Variants in PDE10A observed in about 807,000 individuals in gnomAD.
PDE10A encodes cAMP and cAMP-inhibited cGMP 3',5'-cyclic phosphodiesterase 10A.
PDE10A carries 39 observed loss-of-function variants against 97.7 expected under a neutral mutation model. The observed-to-expected ratio is 0.40, with a 90% confidence interval of 0.31 to 0.52. PDE10A has a LOEUF of 0.52. PDE10A is among the 20% of genes least tolerant of loss of function. The pLI is 0.56. For synonymous variants in PDE10A, 371 were observed against 376.8 expected (o/e 0.98, Z 0.18); for missense variants, 731 against 1,047.8 (o/e 0.70, Z 4.17).
chr6:165,511,502 T>A (rs2128301839), intron 2 of PDE10A, among the ~76,000 whole-genome samples: 1 of 152,124 alleles, frequency 6.6e-6, no homozygotes, highest in South Asian at 2.1e-4. Flanking sequence ...AATTATCAGA[T>A]AAAATGCTCT....
chr6:165,844,327 G>A (rs572856540), intron 1 of PDE10A, among the ~76,000 whole-genome samples: 8 of 152,192 alleles, frequency 5.3e-5, no homozygotes, highest in South Asian at 2.1e-4. Flanking sequence ...GACCTGTTCC[G>A]TGTCCAGATT....
At chr6:165,601,192 C>T (rs1278800577) in intron 1 of PDE10A, among the ~76,000 whole-genome samples, 1 of 152,172 alleles carries the variant, frequency 6.6e-6, no homozygotes, top group Non-Finnish European at 1.5e-5. Flanking sequence ...TTTGCTGCCA[C>T]CATGTAAGAA....
intron 1 of PDE10A, among the ~76,000 whole-genome samples, chr6:165,916,074 C>T (rs567457724): frequency 6.6e-6 from 1 of 152,342 alleles, no homozygotes; most frequent in African/African-American, 2.4e-5. Flanking sequence ...AGTAATTGCA[C>T]TGGCACAAAG....
At chr6:165,892,062 T>C (rs1781817514) in intron 1 of PDE10A, among the ~76,000 whole-genome samples, 1 of 151,970 alleles carries the variant, frequency 6.6e-6, no homozygotes, top group Non-Finnish European at 1.5e-5. Flanking sequence ...AAGCATAAAA[T>C]ATCCATGAGG....
chr6:165,533,845 CTAT>C (rs67323164), intron 2 of PDE10A, among the ~76,000 whole-genome samples: 86,548 of 151,670 alleles, frequency 0.57, 29,339 homozygotes, highest in Non-Finnish European at 0.73. Flanking sequence ...TGCAACAAAG[CTAT>C]TATATTTATT....
At chr6:165,380,326 T>C (rs1379882859) in intron 17 of PDE10A, among the ~76,000 whole-genome samples, 1 of 152,174 alleles carries the variant, frequency 6.6e-6, no homozygotes, top group Non-Finnish European at 1.5e-5. Context: ...TAAAATACAG[T>C]AAAAACACAA....
chr6:165,816,455 G>T (rs990425395), intron 1 of PDE10A, among the ~76,000 whole-genome samples: 1 of 152,224 alleles, frequency 6.6e-6, no homozygotes, highest in African/African-American at 2.4e-5. Context: ...AGGCCACGGA[G>T]CAGTAGTTAG....
chr6:165,465,319 T>A (rs1056160696), intron 3 of PDE10A, among the ~76,000 whole-genome samples: 8 of 152,160 alleles, frequency 5.3e-5, no homozygotes, highest in African/African-American at 1.9e-4. Context: ...TCTTTGCAAA[T>A]GCTTACTTTA....
chr6:165,433,200 C>G, intron 6 of PDE10A, 71 bp from the exon 7 acceptor site: 1 of 1,154,190 alleles, frequency 8.7e-7, no homozygotes, highest in South Asian at 1.5e-5. Flanking sequence ...TTATTTCTAT[C>G]AGAAATTGCC....
intron 1 of PDE10A, among the ~76,000 whole-genome samples, chr6:165,767,313 C>T (rs767475634): frequency 7.2e-5 from 11 of 152,146 alleles, no homozygotes; most frequent in Non-Finnish European, 1.6e-4. Flanking sequence ...AAAATTCATC[C>T]TTTAAAAGTA....
chr6:165,718,715 A>C (rs1350382815), intron 1 of PDE10A, among the ~76,000 whole-genome samples: 1 of 152,062 alleles, frequency 6.6e-6, no homozygotes, highest in African/African-American at 2.4e-5. Flanking sequence ...AAAGACCTGC[A>C]GTTATTGAAG....
chr6:165,446,205 G>A (rs1790837909), intron 5 of PDE10A, among the ~76,000 whole-genome samples: 1 of 152,120 alleles, frequency 6.6e-6, no homozygotes, highest in Non-Finnish European at 1.5e-5. Flanking sequence ...ATTCCAAGGA[G>A]CGGGTGAAAT....
intron 1 of PDE10A, among the ~76,000 whole-genome samples, chr6:165,670,700 TAGA>T (rs1562675366): frequency 6.6e-6 from 1 of 152,324 alleles, no homozygotes; most frequent in South Asian, 2.1e-4. Flanking sequence ...TGGAGTTAAC[TAGA>T]AGAAGTGGCA....
chr6:165,724,741 T>C (rs980607467), intron 1 of PDE10A, among the ~76,000 whole-genome samples: 5 of 152,142 alleles, frequency 3.3e-5, no homozygotes, highest in African/African-American at 9.7e-5. Flanking sequence ...AGTAATAAGG[T>C]AGAAGGAAAT....
chr6:165,743,946 C>T (rs780083633), intron 1 of PDE10A, among the ~76,000 whole-genome samples: 9 of 152,140 alleles, frequency 5.9e-5, no homozygotes, highest in Admixed American at 1.3e-4. Flanking sequence ...TGTGTTTATC[C>T]GCACACAGGC....
intron 1 of PDE10A, among the ~76,000 whole-genome samples, chr6:165,854,066 C>T (rs185304264): frequency 6.6e-6 from 1 of 152,318 alleles, no homozygotes; most frequent in Non-Finnish European, 1.5e-5. Flanking sequence ...TGGACCCAGA[C>T]AGACGCGCGG....
intron 1 of PDE10A, among the ~76,000 whole-genome samples, chr6:165,957,205 C>A (rs1453818346): frequency 1.3e-5 from 2 of 152,182 alleles, no homozygotes; most frequent in African/African-American, 4.8e-5. Context: ...ACAGGCCCAG[C>A]CCAGTGGGCT....
chr6:165,536,025 A>G (rs1318597992), intron 2 of PDE10A, among the ~76,000 whole-genome samples: 4 of 152,218 alleles, frequency 2.6e-5, no homozygotes, highest in Non-Finnish European at 5.9e-5. Flanking sequence ...TCTGAGCAAA[A>G]GGAACAAAGC....
intron 1 of PDE10A, among the ~76,000 whole-genome samples, chr6:165,955,192 T>C (rs1784099399): frequency 6.6e-6 from 1 of 152,086 alleles, no homozygotes; most frequent in South Asian, 2.1e-4. Context: ...GTTCTCCACA[T>C]AGCCCGAGGG....
Sources: allele counts gnomAD v4.1 joint callset (sites outside exome capture counted in the v4.1 genomes callset), GRCh38; gene constraint gnomAD v4.1.1; transcripts MANE v1.5; gene names NCBI Gene and HGNC (gene_info 2026-07-23, HGNC 2026-07-21).